Variants in CENPC observed in about 807,000 individuals in gnomAD.
CENPC encodes centromere protein C.
A neutral mutation model predicts 112.1 loss-of-function variants in CENPC; 63 were observed. The ratio of observed to expected loss-of-function variants is 0.56; its 90% CI spans 0.46 to 0.69. The LOEUF (loss-of-function observed/expected upper bound fraction) is 0.69. CENPC is among the 30% of genes least tolerant of loss of function. The probability of loss-of-function intolerance (pLI) is 0.00; values close to 1 mark genes in which losing one functional copy is unlikely to be tolerated. For missense variants in CENPC, 1,000 were observed against 1,103.8 expected, an observed-to-expected ratio of 0.91 and a Z score of 1.33; for synonymous variants, 333 against 367.6, an observed-to-expected ratio of 0.91 and a Z score of 1.08.
chr4:67,480,050 T>A (rs748468762), intron 17 of CENPC, among the ~76,000 whole-genome samples: 1 of 152,232 alleles, frequency 6.6e-6, no homozygotes, highest in Non-Finnish European at 1.5e-5. Context: ...CCGGGTATAG[T>A]GGCTGATGCC....
intron 17 of CENPC, among the ~76,000 whole-genome samples, chr4:67,482,176 A>G (rs556511934): frequency 1.3e-5 from 2 of 152,330 alleles, no homozygotes; most frequent in African/African-American, 4.8e-5. Flanking sequence ...ATGCTCAACA[A>G]TAACTAATGA....
intron 17 of CENPC, among the ~76,000 whole-genome samples, chr4:67,477,113 A>G (rs1006825760): frequency 1.3e-5 from 2 of 152,148 alleles, no homozygotes; most frequent in Non-Finnish European, 2.9e-5. Flanking sequence ...AGGAGCTATA[A>G]GGCCCCACCC....
intron 5 of CENPC, among the ~76,000 whole-genome samples, chr4:67,520,232 CAACAA>C (rs2109811995): frequency 6.6e-6 from 1 of 152,260 alleles, no homozygotes; most frequent in Admixed American, 6.5e-5. Flanking sequence ...ATTGGCAAAG[CAACAA>C]AGCCCTGGGC....
rs1465729926 is a variant in CENPC at position 67,514,108 on chromosome 4, A to C, written c.1410T>G (p.Asn470Lys). Residue 470 changes from asparagine (N) to lysine (K), a missense_variant, in exon 8 of 19, where the codon AAT becomes AAG. Physicochemically the swap from Asn to Lys is moderately conservative, Grantham distance 94 (BLOSUM62 0). Coordinates refer to ENST00000273853, the MANE Select transcript of CENPC (RefSeq NM_001812.4). ...GCATCTGTTTTTTGGAAACACAATC[A>C]TTTCCCATCTCTTCATGCTCTTCCA... ...RNMEEHEEMGNDCVSKKQMPP... is the reference protein window; with the variant it reads ...RNMEEHEEMGKDCVSKKQMPP... 6.2e-7 allele frequency: 1 copy of C among 1,602,366 alleles called. No homozygotes were observed. The highest frequency in any genetic ancestry group is 2.2e-5 in the East Asian group (1 of 44,698).
rs1005630925 is a variant in CENPC at position 67,488,088 on chromosome 4, A to G, written c.2670+1879T>C. ...TAACTACATAATCACAGAGTAAAAC[A>G]TGTATTCTCTTCAAGATTTTATTTA... On this transcript the variant is annotated intron_variant, in intron 17 of 18. Transcript: ENST00000273853. Among the ~76,000 whole-genome samples the G allele has an allele frequency of 5.3e-5, 8 of 151,936 alleles. No individual in the cohort carries two copies. The South Asian group carries it at 1.7e-3, about 31-fold the overall frequency.
At chr4:67,491,458 TATATATATATATATATATATATAGAG>T (rs1725259317) in intron 16 of CENPC, among the ~76,000 whole-genome samples, 1 of 45,648 alleles carries the variant, frequency 2.2e-5, no homozygotes, top group African/African-American at 7.7e-5. Flanking sequence ...TATATATATA[TATATATATATATATATATATATAGAG>T]AGAGAGAGAG....
rs1016195386 is a variant in CENPC at position 67,496,359 on chromosome 4, T to C, written c.2132-1147A>G. ...TACCCAACTAAGCCAAGTCAATTCA[T>C]AGAACCATGAAAGATAAATCAATCA... On this transcript the variant is annotated intron_variant, in intron 12 of 18. Coordinates refer to ENST00000273853, the MANE Select transcript of CENPC (RefSeq NM_001812.4). 2.6e-5 allele frequency among the ~76,000 whole-genome samples: 4 copies of C among 152,202 alleles called. No individual in the cohort carries two copies. The East Asian group carries it at 5.8e-4, about 22-fold the overall frequency.
chr4:67,477,299 C>T (rs1274553467), intron 17 of CENPC, among the ~76,000 whole-genome samples: 1 of 152,216 alleles, frequency 6.6e-6, no homozygotes, highest in Non-Finnish European at 1.5e-5. Flanking sequence ...ACAGAGTCTG[C>T]TTCACTCCCC....
intron 17 of CENPC, among the ~76,000 whole-genome samples, chr4:67,478,263 C>G (rs116328570): frequency 0.24 from 35,951 of 151,970 alleles, 4,580 homozygotes; most frequent in Non-Finnish European, 0.29. Context: ...TATCTAAAGT[C>G]AAGACAAAGC....
At chr4:67,493,733 T>C (rs543465910) in intron 14 of CENPC, 151 bp downstream of exon 14, 11 of 567,550 alleles carry the variant, frequency 1.9e-5, no homozygotes, top group African/African-American at 5.7e-5. Context: ...CATCTCTACA[T>C]TAATCAGACA....
chr4:67,474,802 C>T, intron 18 of CENPC, 86 bp downstream of exon 18: 2 of 762,472 alleles, frequency 2.6e-6, no homozygotes, highest in South Asian at 3.2e-5. Flanking sequence ...TCATATCACA[C>T]TTCATTTTGA....
At chr4:67,521,582 G>A (rs1381500466) in intron 5 of CENPC, among the ~76,000 whole-genome samples, 1 of 152,192 alleles carries the variant, frequency 6.6e-6, no homozygotes, top group Non-Finnish European at 1.5e-5. Context: ...TGCACTGCTA[G>A]TGTGAATGTA....
chr4:67,494,090 A>C, intron 13 of CENPC, 102 bp from the exon 14 acceptor site: 1 of 546,556 alleles, frequency 1.8e-6, no homozygotes, highest in Non-Finnish European at 3.0e-6. Flanking sequence ...TATTTTTTAG[A>C]ACATGAATAT....
Position 67,509,022 on chromosome 4 carries a change from G to T in CENPC, c.1696C>A (p.Gln566Lys). 2 of 1,612,646 alleles carry T rather than the reference G, an allele frequency of 1.2e-6. No homozygotes were observed. Among genetic ancestry groups the T allele is most frequent in the South Asian group, 2.2e-5 (2 of 91,054 alleles). ...TTTTTCCTAATATTCTTAGATGACT[G>T]ATTTGTTTTCTTAGTAGATTTTCGG... ...SSRKSTKKTN[Q>K]SSKNIRKKTI... The change falls in exon 10 of 19, where the codon CAG (glutamine) becomes AAG (lysine). Residue 566 changes from glutamine (Q) to lysine (K), a missense_variant. Physicochemically the swap from Gln to Lys is moderately conservative, Grantham distance 53. Transcript: ENST00000273853.
chr4:67,539,273 T>C (rs1344857376), intron 4 of CENPC, among the ~76,000 whole-genome samples: 2 of 152,198 alleles, frequency 1.3e-5, no homozygotes, highest in Admixed American at 6.5e-5. Flanking sequence ...ATGTTTAATA[T>C]GTTGATTGCC....
rs1727005853 is a variant in CENPC at position 67,545,412 on chromosome 4, A to G, written c.-57T>C. The G allele has an allele frequency of 4.1e-6, 6 of 1,451,226 alleles. No individual in the cohort carries two copies. Among genetic ancestry groups the G allele is most frequent in the South Asian group, 1.4e-5 (1 of 73,228 alleles). The allele number at this position is 1,451,226 out of a possible 1,614,324, so 89.9% of individuals were successfully genotyped here. A position where few individuals can be genotyped will look rare whatever the true frequency, so the allele number is the denominator to read the frequency against. ...TGAGGTGGAAGCCCACACGGACCAC[A>G]GCTCCAGGAAGCCGAGCAAGAAACG... is the stretch of plus-strand genomic sequence containing the variant. On this transcript the variant is annotated 5_prime_UTR_variant, in exon 1 of 19. Coordinates refer to ENST00000273853, the MANE Select transcript of CENPC (RefSeq NM_001812.4).
chr4:67,476,514 G>A (rs572231165), intron 17 of CENPC, among the ~76,000 whole-genome samples: 1 of 152,180 alleles, frequency 6.6e-6, no homozygotes, highest in African/African-American at 2.4e-5. Context: ...AGTACTCCTG[G>A]TTTCCAAGGA....
At chr4:67,489,412 C>CTT (rs33932185) in intron 17 of CENPC, among the ~76,000 whole-genome samples, 165 of 22,904 alleles carry the variant, frequency 7.2e-3, no homozygotes, top group African/African-American at 0.021. Context: ...AAGCAACTAG[C>CTT]TTAGTCCTGA....
intron 10 of CENPC, among the ~76,000 whole-genome samples, chr4:67,507,466 G>C (rs1356457883): frequency 6.6e-6 from 1 of 152,044 alleles, no homozygotes; most frequent in Non-Finnish European, 1.5e-5. Flanking sequence ...AAATAAAAGT[G>C]ATTACAAGAG....
Sources: gnomAD v4.1 joint callset for allele counts (sites outside exome capture counted in the v4.1 genomes callset) on GRCh38, gnomAD v4.1.1 for gene constraint, MANE v1.5 for transcripts, NCBI Gene and HGNC (gene_info 2026-07-23, HGNC 2026-07-21) for gene names.